The following ADAMTS3 variants were observed in gnomAD, a reference collection of about 807,000 sequenced individuals.
The protein encoded by ADAMTS3 is ADAM metallopeptidase with thrombospondin type 1 motif 3.
In ADAMTS3, 73 loss-of-function variants were observed where a neutral mutation model predicts 129.0. That is an observed-to-expected ratio of 0.57 (90% CI 0.47 to 0.69). The LOEUF (loss-of-function observed/expected upper bound fraction) is 0.69. Ranked by LOEUF, ADAMTS3 falls within the 30% of genes least tolerant of loss-of-function variation. The pLI is 0.00. For missense variants in ADAMTS3, 1,457 were observed against 1,514.5 expected, an observed-to-expected ratio of 0.96 and a Z score of 0.63; for synonymous variants, 477 against 510.8, an observed-to-expected ratio of 0.93 and a Z score of 0.89.
chr4:72,497,566 C>T (rs977980724), intron 3 of ADAMTS3, among the ~76,000 whole-genome samples: 9 of 150,498 alleles, frequency 6.0e-5, no homozygotes, highest in African/African-American at 2.2e-4. Flanking sequence ...AATTATTAAC[C>T]CAGAAGAATA....
chr4:72,298,933 C>T (rs1718880068), intron 17 of ADAMTS3, among the ~76,000 whole-genome samples: 1 of 151,478 alleles, frequency 6.6e-6, no homozygotes, highest in Non-Finnish European at 1.5e-5. Flanking sequence ...TAGTAATGTT[C>T]CCTCCAGAAA....
chr4:72,401,566 C>CAAAAAAAAAAAAAAAA (rs374322807), intron 4 of ADAMTS3, among the ~76,000 whole-genome samples: 42 of 36,920 alleles, frequency 1.1e-3, no homozygotes, highest in African/African-American at 3.3e-3. Context: ...TACTCTGTCT[C>CAAAAAAAAAAAAAAAA]AAAAAAAAAA....
chr4:72,400,469 T>C (rs868791141), intron 4 of ADAMTS3, among the ~76,000 whole-genome samples: 3 of 32 alleles, frequency 0.094, 1 homozygote, highest in African/African-American at 0.5. Flanking sequence ...TGTGCATAGA[T>C]ATGCACACGG....
chr4:72,301,530 G>A (rs554692877), intron 17 of ADAMTS3, among the ~76,000 whole-genome samples: 52 of 152,102 alleles, frequency 3.4e-4, no homozygotes, highest in African/African-American at 1.2e-3. Context: ...ATTGAGTGGA[G>A]CAATTTGACT....
At chr4:72,359,509 T>C (rs1022856481) in intron 4 of ADAMTS3, among the ~76,000 whole-genome samples, 1 of 152,004 alleles carries the variant, frequency 6.6e-6, no homozygotes, top group African/African-American at 2.4e-5. Flanking sequence ...ATTAAGGAAA[T>C]TCTTATAGTG....
intron 3 of ADAMTS3, among the ~76,000 whole-genome samples, chr4:72,479,348 A>G (rs1463696331): frequency 1.3e-5 from 2 of 152,210 alleles, no homozygotes; most frequent in Non-Finnish European, 2.9e-5. Context: ...AAACAGAGAT[A>G]TAGAACAATG....
At chr4:72,455,434 T>C (rs1293823695) in intron 3 of ADAMTS3, among the ~76,000 whole-genome samples, 7 of 151,308 alleles carry the variant, frequency 4.6e-5, no homozygotes, top group African/African-American at 1.5e-4. Context: ...TGAGAACATA[T>C]GGACACAGGG....
chr4:72,411,961 A>G (rs563927529), intron 4 of ADAMTS3, among the ~76,000 whole-genome samples: 2 of 152,204 alleles, frequency 1.3e-5, no homozygotes, highest in Non-Finnish European at 2.9e-5. Flanking sequence ...ATTTTAATGT[A>G]TAACACTTGC....
chr4:72,463,566 A>G (rs984952648), intron 3 of ADAMTS3, among the ~76,000 whole-genome samples: 2 of 151,900 alleles, frequency 1.3e-5, no homozygotes, highest in African/African-American at 4.8e-5. Flanking sequence ...ATTTCTAACC[A>G]TATTATAAGA....
At chr4:72,483,987 C>T (rs917630793) in intron 3 of ADAMTS3, among the ~76,000 whole-genome samples, 7 of 151,970 alleles carry the variant, frequency 4.6e-5, no homozygotes, top group Non-Finnish European at 7.4e-5. Context: ...CATTGCACTC[C>T]AGCCCGGGTG....
At chr4:72,393,789 T>C (rs1310998425) in intron 4 of ADAMTS3, among the ~76,000 whole-genome samples, 1 of 152,226 alleles carries the variant, frequency 6.6e-6, no homozygotes, top group Non-Finnish European at 1.5e-5. Context: ...AATGAACTGA[T>C]GATCCAGGCT....
chr4:72,529,280 T>C (rs952402829), intron 3 of ADAMTS3, among the ~76,000 whole-genome samples: 2 of 152,086 alleles, frequency 1.3e-5, no homozygotes, highest in African/African-American at 2.4e-5. Flanking sequence ...CCAGTTCTTG[T>C]AGGACAGTGG....
At chr4:72,418,247 T>C (rs1417076822) in intron 3 of ADAMTS3, among the ~76,000 whole-genome samples, 1 of 152,070 alleles carries the variant, frequency 6.6e-6, no homozygotes, top group Non-Finnish European at 1.5e-5. Context: ...CTAGTCCACA[T>C]CACAATAAAC....
At chr4:72,501,096 G>A (rs7695855) in intron 3 of ADAMTS3, among the ~76,000 whole-genome samples, 34,876 of 152,038 alleles carry the variant, frequency 0.23, 4,412 homozygotes, top group Non-Finnish European at 0.29. Context: ...GACTATTTGA[G>A]CCTTTTTTTG....
At chr4:72,527,560 C>G (rs147491713) in intron 3 of ADAMTS3, among the ~76,000 whole-genome samples, 1 of 152,112 alleles carries the variant, frequency 6.6e-6, no homozygotes, top group African/African-American at 2.4e-5. Flanking sequence ...AGATGTCCAT[C>G]TATTTATATA....
chr4:72,467,609 T>C (rs1455262310), intron 3 of ADAMTS3, among the ~76,000 whole-genome samples: 2 of 152,074 alleles, frequency 1.3e-5, no homozygotes, highest in Non-Finnish European at 2.9e-5. Flanking sequence ...TTATTTCTTC[T>C]GCCTAAAATA....
chr4:72,500,805 A>C (rs191380590), intron 3 of ADAMTS3, among the ~76,000 whole-genome samples: 35 of 152,162 alleles, frequency 2.3e-4, no homozygotes, highest in Non-Finnish European at 4.1e-4. Context: ...AGTGAAAGGT[A>C]GGAGTAGTTC....
At chr4:72,383,676 C>T (rs1395054906) in intron 4 of ADAMTS3, among the ~76,000 whole-genome samples, 2 of 152,122 alleles carry the variant, frequency 1.3e-5, no homozygotes, top group African/African-American at 4.8e-5. Context: ...GCCACAGTGT[C>T]GGTCTAAAAC....
In ADAMTS3 at chr4:72,356,526, A is replaced by G. The variant is rs891167411; in HGVS notation, c.662-16833T>C. Among the ~76,000 whole-genome samples the G allele has an allele frequency of 2.6e-5, 4 of 151,900 alleles. 1 individual carries two copies. The highest frequency in any genetic ancestry group is 2.0e-4 in the Admixed American group (3 of 15,224). On this transcript the variant is annotated intron_variant, in intron 4 of 21. Coordinates refer to ENST00000286657, the MANE Select transcript of ADAMTS3 (RefSeq NM_014243.3). ...CTTTCACAGTCTTCCATAGACACGT[A>G]CAAAGTGGAAAAACAAAACAAAACT...
Sources: allele counts gnomAD v4.1 joint callset (sites outside exome capture counted in the v4.1 genomes callset), GRCh38; gene constraint gnomAD v4.1.1; transcripts MANE v1.5; gene names NCBI Gene and HGNC (gene_info 2026-07-23, HGNC 2026-07-21).